Variants in CDKL5 observed in about 807,000 individuals in gnomAD.
CDKL5 encodes the protein cyclin dependent kinase like 5, also known as cyclin-dependent kinase-like 5.
In CDKL5, 8 loss-of-function variants were observed where a neutral mutation model predicts 61.7. The ratio of observed to expected loss-of-function variants is 0.13; its 90% CI spans 0.08 to 0.23. CDKL5 has a LOEUF of 0.23. CDKL5 is among the 10% of genes least tolerant of loss of function. The probability of loss-of-function intolerance (pLI) is 1.00; values close to 1 mark genes in which losing one functional copy is unlikely to be tolerated. For missense variants in CDKL5, 440 were observed against 734.5 expected (o/e 0.60, Z 4.63); for synonymous variants, 275 against 272.3 (o/e 1.01, Z -0.10).
chrX:18,650,723 C>A, intron 21 of CDKL5: 1 of 769,757 alleles, frequency 1.3e-6, no homozygotes, highest in South Asian at 2.2e-5. Context: ...GGCATGGGGA[C>A]AAAGCTGCAG....
At chrX:18,571,530 C>G (rs1000809839) in intron 4 of CDKL5, among the ~76,000 whole-genome samples, 1 of 111,128 alleles carries the variant, frequency 9.0e-6, no homozygotes, top group Middle Eastern at 4.2e-3. Context: ...TGTGCTACCA[C>G]CCTTTGAAAA....
chrX:18,620,211 T>A (rs1816922947), intron 16 of CDKL5, among the ~76,000 whole-genome samples: 1 of 112,542 alleles, frequency 8.9e-6, no homozygotes, highest in African/African-American at 3.2e-5. Flanking sequence ...ACTTTAAGCC[T>A]TTCTCAATAT....
chrX:18,441,981 C>A (rs1000379398), intron 1 of CDKL5, among the ~76,000 whole-genome samples: 10 of 111,216 alleles, frequency 9.0e-5, no homozygotes, highest in African/African-American at 3.3e-4. Context: ...GGAATCCTAC[C>A]CCTCTCCCAG....
At chrX:18,449,508 C>A (rs898805451) in intron 1 of CDKL5, among the ~76,000 whole-genome samples, 2 of 111,741 alleles carry the variant, frequency 1.8e-5, no homozygotes, top group Admixed American at 9.5e-5. Flanking sequence ...CCCTGCCGCC[C>A]CCCAGAATCA....
At chrX:18,456,318 G>A (rs765740790) in intron 1 of CDKL5, among the ~76,000 whole-genome samples, 1 of 111,300 alleles carries the variant, frequency 9.0e-6, no homozygotes, top group African/African-American at 3.3e-5. Flanking sequence ...GATTTCAGGC[G>A]TGAGCCACCG....
At chrX:18,598,210 T>C (rs1926066741) in intron 10 of CDKL5, among the ~76,000 whole-genome samples, 1 of 111,334 alleles carries the variant, frequency 9.0e-6, no homozygotes, top group Admixed American at 9.6e-5. Flanking sequence ...TACAAAACTG[T>C]GTATATTTTG....
chrX:18,579,614 A>G (rs1274431783), intron 5 of CDKL5, among the ~76,000 whole-genome samples: 1 of 111,187 alleles, frequency 9.0e-6, no homozygotes, highest in Admixed American at 9.7e-5. Context: ...AGTGAAAAGT[A>G]TACAGGGTTA....
chrX:18,597,616 T>G (rs1926042489), intron 10 of CDKL5, among the ~76,000 whole-genome samples: 1 of 100,706 alleles, frequency 9.9e-6, no homozygotes, highest in South Asian at 5.0e-4. Context: ...TTTTTTTTTT[T>G]GAGACAGAGT....
At chrX:18,439,663 C>T (rs969663334) in intron 1 of CDKL5, among the ~76,000 whole-genome samples, 1 of 109,861 alleles carries the variant, frequency 9.1e-6, no homozygotes, top group Non-Finnish European at 1.9e-5. Flanking sequence ...CATGGTGAAA[C>T]CCCATCTCTA....
chrX:18,444,750 A>G (rs1003985491), intron 1 of CDKL5, among the ~76,000 whole-genome samples: 3 of 112,803 alleles, frequency 2.7e-5, no homozygotes, highest in African/African-American at 9.7e-5. Context: ...GTTATGTTTA[A>G]GTCCTCTTTG....
rs759766707 is a variant in CDKL5 at position 18,456,764 on chromosome X, C to A, written c.-163+31069C>A. Among the ~76,000 whole-genome samples the A allele has an allele frequency of 4.5e-5, 5 of 111,922 alleles. No homozygotes were observed. The East Asian group carries it at 1.4e-3, about 32-fold the overall frequency. On this transcript the variant is annotated intron_variant, in intron 1 of 17. Transcript: ENST00000623535. Reference sequence around the variant, plus strand: ...CTTTTCCCTTCTTTTCTGTCAAATACACCTAGTCTTCCTACTTCCATCTCT... The same window carrying A: ...CTTTTCCCTTCTTTTCTGTCAAATAAACCTAGTCTTCCTACTTCCATCTCT...
intron 20 of CDKL5, chrX:18,647,394 C>G: frequency 8.7e-7 from 1 of 1,155,111 alleles, no homozygotes. Flanking sequence ...CACCAGGTGA[C>G]TGAAATAACA....
chrX:18,446,373 A>C (rs1931878821), intron 1 of CDKL5, among the ~76,000 whole-genome samples: 1 of 110,239 alleles, frequency 9.1e-6, no homozygotes, highest in African/African-American at 3.3e-5. Flanking sequence ...ACAAAAAAAC[A>C]AAAAAACAAA....
intron 1 of CDKL5, among the ~76,000 whole-genome samples, chrX:18,501,363 G>A (rs1602227639): frequency 9.2e-6 from 1 of 108,324 alleles, no homozygotes; most frequent in African/African-American, 3.4e-5. Context: ...TAGTAGAGAC[G>A]GGGTTGTACC....
At chrX:18,617,208 G>A (rs894243069) in intron 15 of CDKL5, among the ~76,000 whole-genome samples, 4 of 111,452 alleles carry the variant, frequency 3.6e-5, no homozygotes, top group African/African-American at 6.5e-5. Context: ...GTTAGATAAC[G>A]TTAGAGTCCC....
At chrX:18,537,355 G>A (rs182977189) in intron 3 of CDKL5, among the ~76,000 whole-genome samples, 142 of 111,917 alleles carry the variant, frequency 1.3e-3, no homozygotes, top group Non-Finnish European at 2.1e-3. Context: ...TTAATCTTGA[G>A]ATAATTATAG....
At chrX:18,473,987 G>A (rs1921209145) in intron 1 of CDKL5, among the ~76,000 whole-genome samples, 1 of 107,692 alleles carries the variant, frequency 9.3e-6, no homozygotes, top group Admixed American at 1.0e-4. Flanking sequence ...TCCTGCCTCA[G>A]CCTCCTGAGT....
In CDKL5 at chrX:18,606,011, G is replaced by A. The variant is rs757607618; in HGVS notation, c.1944+1143G>A. Among the ~76,000 whole-genome samples, 55 of 111,882 alleles carry A rather than the reference G, an allele frequency of 4.9e-4. No homozygotes were observed. The South Asian group carries it at 0.019, about 39-fold the overall frequency. On this transcript the variant is annotated intron_variant, in intron 12 of 17. Transcript: ENST00000623535. ...ATCCTGGCCAACATGGTGAAACCCC[G>A]TCTCTACTAAAATACAAAAATTGGC...
chrX:18,567,177 T>G (rs977897618), intron 4 of CDKL5, among the ~76,000 whole-genome samples: 5 of 111,855 alleles, frequency 4.5e-5, no homozygotes, highest in Non-Finnish European at 9.4e-5. Context: ...ACATGTTTGG[T>G]GAACAACTCT....
Sources: allele counts gnomAD v4.1 joint callset (sites outside exome capture counted in the v4.1 genomes callset), GRCh38; gene constraint gnomAD v4.1.1; transcripts MANE v1.5; gene names NCBI Gene and HGNC (gene_info 2026-07-23, HGNC 2026-07-21).